RGS6: variants seen among roughly 807,000 people sequenced by gnomAD.
RGS6 encodes the protein regulator of G-protein signaling 6.
In RGS6, 30 loss-of-function variants were observed where a neutral mutation model predicts 78.5. The ratio of observed to expected loss-of-function variants is 0.38; its 90% confidence interval spans 0.29 to 0.52. The LOEUF is 0.52. Among genes scored for constraint, RGS6 ranks in the 20% least tolerant of loss-of-function variants. RGS6 has a pLI of 0.85. For missense variants in RGS6, 495 were observed against 609.7 expected (o/e 0.81, Z 1.98); for synonymous variants, 206 against 206.0 (o/e 1.00, Z 0.00).
At chr14:71,990,293 C>T (rs1435260511) in intron 2 of RGS6, among the ~76,000 whole-genome samples, 2 of 152,156 alleles carry the variant, frequency 1.3e-5, no homozygotes, top group African/African-American at 4.8e-5. Flanking sequence ...CAAAAAATCC[C>T]ATTATCCAAA....
chr14:71,988,816 G>A (rs942212534), intron 2 of RGS6, among the ~76,000 whole-genome samples: 6 of 151,972 alleles, frequency 3.9e-5, no homozygotes, highest in East Asian at 1.9e-4. Flanking sequence ...AACTGGGGAG[G>A]GGGTATACAA....
intron 2 of RGS6, among the ~76,000 whole-genome samples, chr14:71,982,082 G>A (rs1241560771): frequency 6.6e-6 from 1 of 152,218 alleles, no homozygotes; most frequent in East Asian, 1.9e-4. Context: ...TCTTTGACTA[G>A]GAAAGGGAAC....
the RGS6 span, among the ~76,000 whole-genome samples, chr14:72,601,007 AGAGGAG>A: frequency 1.7e-5 from 2 of 116,440 alleles, no homozygotes; most frequent in Non-Finnish European, 3.6e-5. Context: ...AGGAGGGGGG[AGAGGAG>A]GAGGAGGAGG....
chr14:72,416,955 C>T (rs756242323), intron 3 of RGS6, among the ~76,000 whole-genome samples: 2 of 152,162 alleles, frequency 1.3e-5, no homozygotes, highest in African/African-American at 2.4e-5. Flanking sequence ...ACACTTGGAA[C>T]AGGGCCTGGC....
At chr14:72,539,984 G>C (rs2097300307) in intron 16 of RGS6, 57 bp from the exon 17 acceptor site, 15 of 1,458,998 alleles carry the variant, frequency 1.0e-5, no homozygotes, top group Non-Finnish European at 1.4e-5. Context: ...CCACGTATAA[G>C]CTGAAGATTT....
At chr14:72,540,212 G>A (rs760546700) in intron 17 of RGS6, 118 bp downstream of exon 17, 38 of 1,504,808 alleles carry the variant, frequency 2.5e-5, no homozygotes, top group Non-Finnish European at 3.2e-5. Flanking sequence ...AGGGAGTCCA[G>A]TGCTTTCTCC....
intron 15 of RGS6, among the ~76,000 whole-genome samples, chr14:72,520,306 G>A (rs1165089429): frequency 1.3e-5 from 2 of 152,148 alleles, no homozygotes; most frequent in African/African-American, 4.8e-5. Flanking sequence ...TTGCAGCCCT[G>A]TGGTGCTATT....
chr14:72,065,905 G>A (rs368881054), intron 2 of RGS6, among the ~76,000 whole-genome samples: 7 of 151,656 alleles, frequency 4.6e-5, no homozygotes, highest in Non-Finnish European at 5.9e-5. Context: ...TATATCTCCC[G>A]ATGCTATCCC....
chr14:72,561,623 C>A (rs901816783), intron 17 of RGS6, among the ~76,000 whole-genome samples: 1 of 152,212 alleles, frequency 6.6e-6, no homozygotes, highest in Non-Finnish European at 1.5e-5. Flanking sequence ...ACATACACAA[C>A]GGGACTCTCC....
chr14:72,458,134 C>G (rs946640840), intron 4 of RGS6, 137 bp from the exon 5 acceptor site: 1 of 641,746 alleles, frequency 1.6e-6, no homozygotes, highest in African/African-American at 1.8e-5. Context: ...TCCTCACCCC[C>G]ACACTGAGCA....
At chr14:72,572,940 A>T in the RGS6 span, among the ~76,000 whole-genome samples, 40,093 of 151,742 alleles carry the variant, frequency 0.26, 6,878 homozygotes, top group African/African-American at 0.49. Context: ...GAGGGAGGGA[A>T]GGAGAGAGAA....
At chr14:72,307,601 G>C (rs1010499170) in intron 2 of RGS6, among the ~76,000 whole-genome samples, 1 of 151,862 alleles carries the variant, frequency 6.6e-6, no homozygotes, top group African/African-American at 2.4e-5. Flanking sequence ...CTGTTCCATG[G>C]ATCTGTCTCT....
chr14:71,970,679 C>T (rs943393074), intron 2 of RGS6, among the ~76,000 whole-genome samples: 4 of 152,118 alleles, frequency 2.6e-5, no homozygotes, highest in Non-Finnish European at 5.9e-5. Flanking sequence ...TCAGGAAATA[C>T]GTATTGAGTG....
intron 2 of RGS6, among the ~76,000 whole-genome samples, chr14:72,032,322 C>T (rs902472788): frequency 3.9e-5 from 6 of 152,092 alleles, no homozygotes; most frequent in African/African-American, 1.2e-4. Flanking sequence ...AGTTTACCAC[C>T]CATTGCCACC....
At chr14:72,324,231 T>TA (rs1366393705) in intron 2 of RGS6, among the ~76,000 whole-genome samples, 2 of 152,122 alleles carry the variant, frequency 1.3e-5, no homozygotes, top group South Asian at 2.1e-4. Flanking sequence ...TACATATCAA[T>TA]AAAAAAATCA....
chr14:72,113,713 G>T (rs953992234), intron 2 of RGS6, among the ~76,000 whole-genome samples: 2 of 152,210 alleles, frequency 1.3e-5, no homozygotes, highest in Admixed American at 6.5e-5. Context: ...CCTCAGGCCT[G>T]TCACTCTCCT....
chr14:72,180,181 A>T (rs2097156417), intron 2 of RGS6, among the ~76,000 whole-genome samples: 1 of 152,236 alleles, frequency 6.6e-6, no homozygotes. Context: ...ACTGTGATCC[A>T]TTGAAACATC....
intron 14 of RGS6, chr14:72,515,944 G>A (rs912218844): frequency 6.6e-6 from 1 of 152,378 alleles, no homozygotes; most frequent in African/African-American, 2.4e-5. Flanking sequence ...CCATTTGTGT[G>A]AGAAGTTGCA....
Position 72,461,590 on chromosome 14 carries a change from G to T in RGS6, c.394+1907G>T, listed in dbSNP as rs573305231. ...ACCTGTAATCCCAGTGACTCGGGAG[G>T]CTGAGATGGGAGGATCACTTGAGCC... On this transcript the variant is annotated intron_variant, in intron 6 of 17. Coordinates refer to ENST00000553525, the MANE Select transcript of RGS6 (RefSeq NM_001204424.2). Among the ~76,000 whole-genome samples, 22 of 152,260 alleles carry T rather than the reference G, an allele frequency of 1.4e-4. 1 individual carries two copies. The South Asian group carries it at 2.7e-3, about 19-fold the overall frequency.
Sources: allele counts gnomAD v4.1 joint callset (sites outside exome capture counted in the v4.1 genomes callset), GRCh38; gene constraint gnomAD v4.1.1; transcripts MANE v1.5; gene names NCBI Gene and HGNC (gene_info 2026-07-23, HGNC 2026-07-21).